Variants in AKAP10 observed in about 807,000 individuals in gnomAD.
AKAP10 encodes the protein A-kinase anchor protein 10, mitochondrial.
In AKAP10, 24 loss-of-function variants were observed where a neutral mutation model predicts 80.8. The ratio of observed to expected loss-of-function variants is 0.30; its 90% confidence interval spans 0.22 to 0.42. The LOEUF is 0.42. AKAP10 is among the 10% of genes least tolerant of loss of function. The pLI, the probability that AKAP10 is intolerant of heterozygous loss-of-function variation, is 1.00. For synonymous variants in AKAP10, 291 were observed against 277.7 expected (o/e 1.05, Z -0.48); for missense variants, 661 against 794.9 (o/e 0.83, Z 2.03).
chr17:19,909,676 T>C (rs16960529), intron 13 of AKAP10, among the ~76,000 whole-genome samples: 223 of 152,306 alleles, frequency 1.5e-3, no homozygotes, highest in African/African-American at 5.1e-3. Flanking sequence ...TGCTGGCTGA[T>C]GGAAACTTGA....
chr17:19,943,988 G>GTT (rs200796308), intron 5 of AKAP10, among the ~76,000 whole-genome samples: 19 of 147,678 alleles, frequency 1.3e-4, no homozygotes, highest in African/African-American at 3.2e-4. Flanking sequence ...GAGAAACTGA[G>GTT]TTTTTTTTTT....
intron 4 of AKAP10, among the ~76,000 whole-genome samples, chr17:19,950,273 T>C (rs556385971): frequency 6.6e-6 from 1 of 152,152 alleles, no homozygotes; most frequent in Non-Finnish European, 1.5e-5. Context: ...AAAATTCAAA[T>C]AATCCAAAAG....
At chr17:19,972,052 G>T (rs2043504685) in intron 1 of AKAP10, among the ~76,000 whole-genome samples, 1 of 152,204 alleles carries the variant, frequency 6.6e-6, no homozygotes, top group African/African-American at 2.4e-5. Context: ...ATTGTGGTGA[G>T]CCGAGATCAT....
intron 14 of AKAP10, among the ~76,000 whole-genome samples, chr17:19,907,220 G>A (rs1366468022): frequency 6.6e-6 from 1 of 151,832 alleles, no homozygotes; most frequent in African/African-American, 2.4e-5. Flanking sequence ...GTTTCTCCAT[G>A]TTGGTCAGGC....
At position 19,907,410 on chromosome 17, in the gene AKAP10, C is replaced by CTTTTTTTTTT. The variant is rs59027197; in HGVS notation, c.1984-1188_1984-1179dup. Reference sequence around the variant, plus strand: ...CTCATTATACTCTTGTTTTCTTTAACTTTTTTTTTTTTTTTTTTGAGACAG... The same window carrying CTTTTTTTTTT: ...CTCATTATACTCTTGTTTTCTTTAACTTTTTTTTTTTTTTTTTTTTTTTTTTTTGAGACAG... On this transcript the variant is annotated intron_variant, in intron 14 of 14. Coordinates refer to ENST00000225737, the MANE Select transcript of AKAP10 (RefSeq NM_007202.4). Among the ~76,000 whole-genome samples the CTTTTTTTTTT allele has an allele frequency of 1.5e-5, 2 of 136,412 alleles. 1 individual carries two copies. The allele number at this position is 136,412 out of a possible 152,430, so 89.5% of individuals were successfully genotyped here. A position where few individuals can be genotyped will look rare whatever the true frequency, so the allele number is the denominator to read the frequency against.
At chr17:19,925,209 T>C (rs1475605205) in intron 10 of AKAP10, among the ~76,000 whole-genome samples, 1 of 152,110 alleles carries the variant, frequency 6.6e-6, no homozygotes, top group Non-Finnish European at 1.5e-5. Context: ...TGTATGAATT[T>C]ATAAGACATT....
chr17:19,945,990 A>G (rs1284976997), intron 5 of AKAP10, among the ~76,000 whole-genome samples: 4 of 150,570 alleles, frequency 2.7e-5, no homozygotes, highest in Non-Finnish European at 5.9e-5. Flanking sequence ...GCTATAACCT[A>G]TAAGAAATAT....
chr17:19,947,207 C>A, intron 5 of AKAP10, 200 bp downstream of exon 5: 1 of 542,958 alleles, frequency 1.8e-6, no homozygotes, highest in East Asian at 3.3e-5. Flanking sequence ...CTGGCCCAGG[C>A]AAAGACCCTC....
chr17:19,938,930 C>T (rs2043023512), intron 8 of AKAP10, among the ~76,000 whole-genome samples: 1 of 151,998 alleles, frequency 6.6e-6, no homozygotes, highest in African/African-American at 2.4e-5. Context: ...GCGGGTTTTG[C>T]CATGTTGCCC....
chr17:19,975,543 C>CA (rs1334560785), intron 1 of AKAP10, among the ~76,000 whole-genome samples: 2 of 152,210 alleles, frequency 1.3e-5, no homozygotes, highest in African/African-American at 2.4e-5. Context: ...AGTCCTCTAA[C>CA]ATCTAACCAA....
At chr17:19,918,311 G>A (rs1361730886) in intron 12 of AKAP10, among the ~76,000 whole-genome samples, 4 of 151,910 alleles carry the variant, frequency 2.6e-5, no homozygotes, top group South Asian at 2.1e-4. Flanking sequence ...AGGCTAAGGC[G>A]GGCAGATCAC....
intron 3 of AKAP10, among the ~76,000 whole-genome samples, chr17:19,959,013 GA>G (rs1354284547): frequency 6.6e-6 from 1 of 151,814 alleles, no homozygotes; most frequent in Non-Finnish European, 1.5e-5. Flanking sequence ...CCACCACGCT[GA>G]GCTAGTTTTT....
At chr17:19,917,633 G>A (rs2042760105) in intron 12 of AKAP10, among the ~76,000 whole-genome samples, 1 of 152,116 alleles carries the variant, frequency 6.6e-6, no homozygotes. Flanking sequence ...GAACCACCAT[G>A]CAGCCCCCAA....
rs569551927 is a variant in AKAP10 at position 19,905,612 on chromosome 17, A to G, written c.*615T>C. On this transcript the variant is annotated 3_prime_UTR_variant, in exon 15 of 15. Transcript: ENST00000225737. Reference sequence around the variant, plus strand: ...TAAAATGTGAAAACTATATACTGCCATCAGAGGAAGGAGGAAGTCACTGAA... The same window carrying G: ...TAAAATGTGAAAACTATATACTGCCGTCAGAGGAAGGAGGAAGTCACTGAA... The G allele has an allele frequency of 2.0e-5, 3 of 152,862 alleles. No individual in the cohort carries two copies. The East Asian group carries it at 5.8e-4, about 29-fold the overall frequency. The allele number at this position is 152,862 out of a possible 1,614,324, so 9.5% of individuals were successfully genotyped here. A position where few individuals can be genotyped will look rare whatever the true frequency, so the allele number is the denominator to read the frequency against.
intron 11 of AKAP10, among the ~76,000 whole-genome samples, chr17:19,923,978 A>AT (rs1466811621): frequency 1.3e-5 from 2 of 152,178 alleles, no homozygotes; most frequent in Non-Finnish European, 2.9e-5. Context: ...AGAGAAAGTG[A>AT]TTTTATGATT....
At chr17:19,917,066 C>A (rs912931392) in intron 12 of AKAP10, among the ~76,000 whole-genome samples, 6 of 151,906 alleles carry the variant, frequency 3.9e-5, no homozygotes, top group Non-Finnish European at 7.4e-5. Flanking sequence ...AGATCGAGAC[C>A]ATCCTGGCTG....
chr17:19,921,273 T>C (rs962632903), intron 11 of AKAP10, among the ~76,000 whole-genome samples: 2 of 151,884 alleles, frequency 1.3e-5, no homozygotes, highest in African/African-American at 4.8e-5. Context: ...GTTCAAGTGA[T>C]TCTCCTGTCT....
chr17:19,955,153 C>T lies in AKAP10; in HGVS notation c.877+2861G>A, dbSNP rs377611824. Among the ~76,000 whole-genome samples, 51 of 151,468 alleles carry T rather than the reference C, an allele frequency of 3.4e-4. No homozygotes were observed. In the East Asian group the frequency reaches 7.6e-3, roughly 23 times the overall value. On this transcript the variant is annotated intron_variant, in intron 4 of 14. Transcript: ENST00000225737. ...AGGAGAACTGCTTGAACCCAGGAGG[C>T]GGAGGTTGCAGTGAGCCGAGATTGC... is the stretch of plus-strand genomic sequence containing the variant.
chr17:19,924,433 A>AT lies in AKAP10; in HGVS notation c.1725dup (p.Ser576IlefsTer18). 6.2e-7 allele frequency: 1 copy of AT among 1,605,614 alleles called. No individual in the cohort carries two copies. On this transcript the variant is annotated frameshift_variant, in exon 11 of 15. Transcript: ENST00000225737. LOFTEE classifies it high-confidence loss of function. ...CCGGCATATGTCCGTTGATATAAAG[A>AT]TTCTGGATCCAGACTTGCCGCATCC... is the stretch of plus-strand genomic sequence containing the variant.
Sources: gnomAD v4.1 joint callset for allele counts (sites outside exome capture counted in the v4.1 genomes callset) on GRCh38, gnomAD v4.1.1 for gene constraint, MANE v1.5 for transcripts, NCBI Gene and HGNC (gene_info 2026-07-23, HGNC 2026-07-21) for gene names.